The following EDA variants were observed in gnomAD, a reference collection of about 807,000 sequenced individuals.
EDA encodes the protein ectodysplasin A.
Under a neutral mutation model 23.6 loss-of-function variants are expected in EDA, and 2 were observed. The ratio of observed to expected loss-of-function variants is 0.08; its 90% confidence interval spans 0.03 to 0.27. The LOEUF (loss-of-function observed/expected upper bound fraction) is 0.27, where lower values mean the gene tolerates loss of function less well. Among genes scored for constraint, EDA ranks in the 10% least tolerant of loss-of-function variants. EDA has a pLI of 1.00. For synonymous variants in EDA, 131 were observed against 132.0 expected (o/e 0.99, Z 0.05); for missense variants, 229 against 324.2 (o/e 0.71, Z 2.26).
chrX:69,975,731 T>C (rs1569390900), intron 2 of EDA, among the ~76,000 whole-genome samples: 4 of 112,129 alleles, frequency 3.6e-5, no homozygotes, highest in Admixed American at 9.4e-5. Flanking sequence ...TTTCAAAGAC[T>C]TAGTACCAAA....
chrX:69,838,928 A>G (rs915855452), intron 1 of EDA, among the ~76,000 whole-genome samples: 5 of 112,213 alleles, frequency 4.5e-5, no homozygotes, highest in African/African-American at 1.6e-4. Flanking sequence ...TTGTTAGTCT[A>G]ATTTTGTGAT....
chrX:69,918,548 A>T lies in EDA; in HGVS notation c.397-38479A>T, dbSNP rs1401723158. On this transcript the variant is annotated intron_variant, in intron 1 of 7. Coordinates refer to ENST00000374552, the MANE Select transcript of EDA (RefSeq NM_001399.5). The stretch of plus-strand genomic sequence containing the variant: ...AAATCATCTGCCTTACTATGAAGTG[A>T]CAGTTCTCTAAGAAATGTGTTACCT... 3.6e-5 allele frequency among the ~76,000 whole-genome samples: 4 copies of T among 112,345 alleles called. No homozygotes were observed. The Admixed American group carries it at 3.8e-4, about 11-fold the overall frequency.
chrX:69,704,319 C>G (rs1215074590), intron 1 of EDA, among the ~76,000 whole-genome samples: 1 of 111,850 alleles, frequency 8.9e-6, no homozygotes, highest in Non-Finnish European at 1.9e-5. Flanking sequence ...GAAAGAATGT[C>G]TGGGTTAAGA....
At chrX:69,707,855 C>T (rs2011791778) in intron 1 of EDA, among the ~76,000 whole-genome samples, 1 of 111,369 alleles carries the variant, frequency 9.0e-6, no homozygotes, top group Middle Eastern at 4.6e-3. Context: ...ACCTGTGGCA[C>T]CCCCATACAG....
intron 1 of EDA, among the ~76,000 whole-genome samples, chrX:69,737,538 TCA>T (rs1193832226): frequency 1.8e-5 from 2 of 112,354 alleles, no homozygotes; most frequent in African/African-American, 3.2e-5. Flanking sequence ...GCCATTGTTT[TCA>T]CACATTTTAC....
chrX:69,907,064 T>A (rs1347410178), intron 1 of EDA, among the ~76,000 whole-genome samples: 1 of 111,381 alleles, frequency 9.0e-6, no homozygotes, highest in East Asian at 2.8e-4. Context: ...AGAAAGTGAG[T>A]GTGTCATACT....
intron 1 of EDA, among the ~76,000 whole-genome samples, chrX:69,894,284 G>A (rs1275614339): frequency 9.0e-6 from 1 of 111,431 alleles, no homozygotes; most frequent in Non-Finnish European, 1.9e-5. Flanking sequence ...ACCAGTACCA[G>A]TACCAATATT....
intron 1 of EDA, among the ~76,000 whole-genome samples, chrX:69,751,092 C>A (rs79755400): frequency 9.3e-6 from 1 of 107,626 alleles, no homozygotes; most frequent in Non-Finnish European, 2.0e-5. Flanking sequence ...GACATGAAGT[C>A]CTTGCCCATG....
At chrX:69,836,591 A>G (rs1196818065) in intron 1 of EDA, among the ~76,000 whole-genome samples, 1 of 112,223 alleles carries the variant, frequency 8.9e-6, no homozygotes, top group Non-Finnish European at 1.9e-5. Flanking sequence ...ACCTTGAGAA[A>G]AGCACAGTAT....
chrX:69,706,944 C>T (rs920097487), intron 1 of EDA, among the ~76,000 whole-genome samples: 1 of 111,641 alleles, frequency 9.0e-6, no homozygotes, highest in African/African-American at 3.3e-5. Context: ...GGAAGAAGTC[C>T]ATTCAGGTGG....
At chrX:69,934,779 C>T (rs1332671821) in intron 1 of EDA, among the ~76,000 whole-genome samples, 1 of 111,581 alleles carries the variant, frequency 9.0e-6, no homozygotes, top group African/African-American at 3.3e-5. Context: ...TGCAAACAAT[C>T]CAATTATACT....
At chrX:69,885,612 G>A in intron 1 of EDA, among the ~76,000 whole-genome samples, 1 of 112,061 alleles carries the variant, frequency 8.9e-6, no homozygotes, top group Non-Finnish European at 1.9e-5. Flanking sequence ...CAATAATTTT[G>A]CAGCCATCCA....
intron 1 of EDA, among the ~76,000 whole-genome samples, chrX:69,788,270 C>G (rs1460702116): frequency 1.8e-5 from 2 of 112,659 alleles, no homozygotes; most frequent in Non-Finnish European, 3.7e-5. Flanking sequence ...ATTTGATCAT[C>G]TGAAGCCTTC....
intron 2 of EDA, among the ~76,000 whole-genome samples, chrX:70,021,282 TC>T (rs2020030342): frequency 8.9e-6 from 1 of 112,106 alleles, no homozygotes; most frequent in Non-Finnish European, 1.9e-5. Context: ...TTCTTCAAAG[TC>T]TGCTTTTGAA....
At chrX:69,953,756 T>C (rs988568195) in intron 1 of EDA, among the ~76,000 whole-genome samples, 32 of 112,245 alleles carry the variant, frequency 2.9e-4, no homozygotes, top group African/African-American at 8.4e-4. Flanking sequence ...TGAATCTCAC[T>C]GACAGTATGT....
intron 2 of EDA, among the ~76,000 whole-genome samples, chrX:70,002,155 G>A (rs771840742): frequency 2.7e-5 from 3 of 111,747 alleles, no homozygotes; most frequent in South Asian, 3.8e-4. Context: ...TTAGAGACAC[G>A]GGCTGTATCA....
chrX:69,817,148 C>T (rs1312276981), intron 1 of EDA, among the ~76,000 whole-genome samples: 2 of 111,699 alleles, frequency 1.8e-5, no homozygotes, highest in Non-Finnish European at 1.9e-5. Context: ...GAAATAAGAT[C>T]CTTTTCAGAC....
intron 1 of EDA, among the ~76,000 whole-genome samples, chrX:69,713,434 C>T (rs2804332): frequency 0.078 from 8,690 of 111,133 alleles, 294 homozygotes; most frequent in Middle Eastern, 0.21. Context: ...GTATCTACTA[C>T]CACAGTTGAG....
chrX:69,955,436 A>G (rs2018985828), intron 1 of EDA, among the ~76,000 whole-genome samples: 1 of 111,843 alleles, frequency 8.9e-6, no homozygotes. Flanking sequence ...CAAGATGCTA[A>G]TCCTACACCT....
Sources: allele counts gnomAD v4.1 joint callset (sites outside exome capture counted in the v4.1 genomes callset), GRCh38; gene constraint gnomAD v4.1.1; transcripts MANE v1.5; gene names NCBI Gene and HGNC (gene_info 2026-07-23, HGNC 2026-07-21).